PPP1R16B: variants seen among roughly 807,000 people sequenced by gnomAD.
The protein encoded by PPP1R16B is protein phosphatase 1 regulatory subunit 16B, also known as protein phosphatase 1 regulatory inhibitor subunit 16B.
Under a neutral mutation model 61.7 loss-of-function variants are expected in PPP1R16B, and 14 were observed. That is an observed-to-expected ratio of 0.23 (90% CI 0.15 to 0.35). PPP1R16B has a LOEUF of 0.35. Among genes scored for constraint, PPP1R16B ranks in the 10% least tolerant of loss-of-function variants. The probability of loss-of-function intolerance (pLI) is 1.00; values close to 1 mark genes in which losing one functional copy is unlikely to be tolerated. For synonymous variants in PPP1R16B, 266 were observed against 305.3 expected (o/e 0.87, Z 1.34); for missense variants, 547 against 752.5 (o/e 0.73, Z 3.19).
At chr20:38,842,274 C>G (rs772325843) in intron 2 of PPP1R16B, among the ~76,000 whole-genome samples, 7 of 152,192 alleles carry the variant, frequency 4.6e-5, no homozygotes, top group Non-Finnish European at 1.0e-4. Flanking sequence ...TGGCCTTAGG[C>G]ATCCTGGTGT....
At chr20:38,851,615 T>C (rs2084969567) in intron 2 of PPP1R16B, among the ~76,000 whole-genome samples, 1 of 152,220 alleles carries the variant, frequency 6.6e-6, no homozygotes, top group African/African-American at 2.4e-5. Context: ...GCATTGGTTG[T>C]TCAGTGGTGA....
chr20:38,892,372 G>A (rs556137517), intron 3 of PPP1R16B, among the ~76,000 whole-genome samples: 2 of 152,200 alleles, frequency 1.3e-5, no homozygotes, highest in Admixed American at 6.5e-5. Context: ...GCCAGGCTCC[G>A]AGTTTAGCTG....
chr20:38,838,677 T>G (rs2084888846), intron 2 of PPP1R16B, among the ~76,000 whole-genome samples: 1 of 152,220 alleles, frequency 6.6e-6, no homozygotes, highest in South Asian at 2.1e-4. Context: ...TCATCAGCTC[T>G]TCTCTCACCC....
chr20:38,861,978 A>G (rs984151390), intron 2 of PPP1R16B, among the ~76,000 whole-genome samples: 1 of 152,140 alleles, frequency 6.6e-6, no homozygotes, highest in Non-Finnish European at 1.5e-5. Context: ...CCTGGCCTAC[A>G]GTTCTTCTTT....
At chr20:38,838,854 G>C (rs2084890308) in intron 2 of PPP1R16B, among the ~76,000 whole-genome samples, 1 of 152,214 alleles carries the variant, frequency 6.6e-6, no homozygotes, top group African/African-American at 2.4e-5. Flanking sequence ...TGGGAGTGGA[G>C]GGATCAGTGC....
At chr20:38,838,428 C>G (rs554903981) in intron 2 of PPP1R16B, 47 of 152,386 alleles carry the variant, frequency 3.1e-4, no homozygotes, top group African/African-American at 1.1e-3. Flanking sequence ...CCACTTCCAC[C>G]TGGCTGCACA....
intron 1 of PPP1R16B, among the ~76,000 whole-genome samples, chr20:38,829,483 G>A (rs1363450268): frequency 6.6e-6 from 1 of 152,178 alleles, no homozygotes; most frequent in Non-Finnish European, 1.5e-5. Flanking sequence ...TTCCGATGCT[G>A]GGCTTGCTAT....
chr20:38,875,136 C>G (rs2085156959), intron 2 of PPP1R16B, among the ~76,000 whole-genome samples: 1 of 152,158 alleles, frequency 6.6e-6, no homozygotes, highest in African/African-American at 2.4e-5. Flanking sequence ...AATGATCCAT[C>G]CTGCAGGTCC....
At chr20:38,874,674 T>A (rs208803) in intron 2 of PPP1R16B, among the ~76,000 whole-genome samples, 116,462 of 152,090 alleles carry the variant, frequency 0.77, 44,816 homozygotes, top group South Asian at 0.86. Context: ...GGCACTAGGC[T>A]TGCTGGCAGA....
intron 2 of PPP1R16B, 53 bp downstream of exon 2, chr20:38,836,228 G>C (rs1030196123): frequency 1.3e-6 from 2 of 1,566,310 alleles, no homozygotes; most frequent in African/African-American, 2.7e-5. Flanking sequence ...CTCTGATCAG[G>C]GTTTGGAATC....
At chr20:38,837,548 C>CTT (rs1215319279) in intron 2 of PPP1R16B, among the ~76,000 whole-genome samples, 3 of 117,518 alleles carry the variant, frequency 2.6e-5, no homozygotes, top group South Asian at 2.7e-4. Flanking sequence ...TTTTTTTTTT[C>CTT]TTTTTTTTTT....
rs879617269 is a variant in PPP1R16B at position 38,896,137 on chromosome 20, T to C, written c.467+427T>C. ...CTTCCTTCTTTCTTCCCTTCCTCCC[T>C]CCTTTCCTTCTTTCTTCCTCCCTCC... On this transcript the variant is annotated intron_variant, in intron 4 of 10. Transcript: ENST00000299824. 4.1e-3 allele frequency among the ~76,000 whole-genome samples: 333 copies of C among 81,982 alleles called. 1 individual carries two copies. Among genetic ancestry groups the C allele is most frequent in the Middle Eastern group, 0.01 (1 of 98 alleles). The allele number at this position is 81,982 out of a possible 152,430, so 53.8% of individuals were successfully genotyped here.
intron 2 of PPP1R16B, among the ~76,000 whole-genome samples, chr20:38,864,214 AATGGGT>A (rs2085075269): frequency 6.6e-6 from 1 of 152,204 alleles, no homozygotes; most frequent in Admixed American, 6.5e-5. Flanking sequence ...AGTGACTGCT[AATGGGT>A]ATGGGGTTTC....
At chr20:38,840,616 G>A (rs752186555) in intron 2 of PPP1R16B, among the ~76,000 whole-genome samples, 3 of 152,202 alleles carry the variant, frequency 2.0e-5, no homozygotes, top group Non-Finnish European at 2.9e-5. Context: ...TGAGTCCAGC[G>A]TGATCTCTGG....
At chr20:38,821,084 G>A (rs1045387833) in intron 1 of PPP1R16B, among the ~76,000 whole-genome samples, 1 of 151,614 alleles carries the variant, frequency 6.6e-6, no homozygotes, top group African/African-American at 2.4e-5. Context: ...TAGATTTGTA[G>A]TGGTCTTTCT....
chr20:38,912,599 G>A (rs1038389859), intron 10 of PPP1R16B, among the ~76,000 whole-genome samples: 2 of 151,434 alleles, frequency 1.3e-5, no homozygotes, highest in East Asian at 1.9e-4. Context: ...TGCTTGAGTC[G>A]AGGAATTCAA....
intron 2 of PPP1R16B, 133 bp downstream of exon 2, chr20:38,836,308 T>G: frequency 7.6e-7 from 1 of 1,318,034 alleles, no homozygotes; most frequent in Non-Finnish European, 1.0e-6. Context: ...AGCAGCCCCA[T>G]TCCTCTTAGG....
intron 1 of PPP1R16B, among the ~76,000 whole-genome samples, chr20:38,825,388 CA>C (rs1194846644): frequency 9.2e-5 from 14 of 152,160 alleles, no homozygotes; most frequent in African/African-American, 2.9e-4. Flanking sequence ...TGGTAAAATG[CA>C]AGAAGATATC....
At chr20:38,917,311 AG>A (rs980960742) in intron 10 of PPP1R16B, among the ~76,000 whole-genome samples, 1 of 150,094 alleles carries the variant, frequency 6.7e-6, no homozygotes, top group Non-Finnish European at 1.5e-5. Context: ...AAAAAAAAAA[AG>A]GACTTTTAAG....
Sources: gnomAD v4.1 joint callset for allele counts (sites outside exome capture counted in the v4.1 genomes callset) on GRCh38, gnomAD v4.1.1 for gene constraint, MANE v1.5 for transcripts, NCBI Gene and HGNC (gene_info 2026-07-23, HGNC 2026-07-21) for gene names.